Variants in ANO3 observed in about 807,000 individuals in gnomAD.
ANO3 encodes anoctamin-3.
A neutral mutation model predicts 144.8 loss-of-function variants in ANO3; 99 were observed. That is an observed-to-expected ratio of 0.68 (90% CI 0.58 to 0.81). ANO3 has a LOEUF of 0.81. Among genes scored for constraint, ANO3 ranks in the 30% least tolerant of loss-of-function variants. The pLI is 0.00. For synonymous variants in ANO3, 414 were observed against 392.6 expected (o/e 1.05, Z -0.64); for missense variants, 905 against 1,202.2 (o/e 0.75, Z 3.66).
chr11:26,643,054 A>C, intron 22 of ANO3, 128 bp from the exon 23 acceptor site: 1 of 790,870 alleles, frequency 1.3e-6, no homozygotes, highest in Non-Finnish European at 2.1e-6. Flanking sequence ...GGTTGTCCTA[A>C]CTGTAAAATG....
chr11:26,649,147 T>G (rs1281449064), intron 24 of ANO3, among the ~76,000 whole-genome samples: 1 of 152,104 alleles, frequency 6.6e-6, no homozygotes, highest in Non-Finnish European at 1.5e-5. Flanking sequence ...TACAGAAGAA[T>G]AAAAGGCCAT....
At chr11:26,289,797 T>C (rs1853913007) in intron 1 of ANO3, among the ~76,000 whole-genome samples, 1 of 148,848 alleles carries the variant, frequency 6.7e-6, no homozygotes, top group Admixed American at 6.7e-5. Flanking sequence ...AGTATATATA[T>C]ATGTGTGTGT....
chr11:26,474,422 G>A (rs1008668219), intron 4 of ANO3, among the ~76,000 whole-genome samples: 2 of 151,396 alleles, frequency 1.3e-5, no homozygotes, highest in African/African-American at 2.4e-5. Flanking sequence ...CTCTAAAATG[G>A]TTTTTTATTC....
chr11:26,426,111 G>C (rs775246373), intron 1 of ANO3, among the ~76,000 whole-genome samples: 24 of 152,066 alleles, frequency 1.6e-4, no homozygotes, highest in Non-Finnish European at 2.9e-4. Flanking sequence ...CTGTGTGTGT[G>C]TCTGTAAATG....
At chr11:26,659,170 T>C (rs545003747) in intron 26 of ANO3, among the ~76,000 whole-genome samples, 1 of 118,226 alleles carries the variant, frequency 8.5e-6, no homozygotes, top group East Asian at 2.5e-4. Flanking sequence ...TGTATGTGTA[T>C]ATATATTCAT....
chr11:26,254,951 C>A (rs1281924622), intron 1 of ANO3, among the ~76,000 whole-genome samples: 1 of 152,110 alleles, frequency 6.6e-6, no homozygotes, highest in African/African-American at 2.4e-5. Flanking sequence ...AAAACAACTT[C>A]TTCAAGATTA....
At chr11:26,445,697 G>C (rs1426074170) in intron 3 of ANO3, among the ~76,000 whole-genome samples, 2 of 152,086 alleles carry the variant, frequency 1.3e-5, no homozygotes, top group African/African-American at 4.8e-5. Context: ...TAATGAAGGT[G>C]AGGTACAGTC....
At chr11:26,412,826 G>GTGTGTGTGTGTGTGTGTA (rs1157559353) in intron 1 of ANO3, among the ~76,000 whole-genome samples, 120 of 151,326 alleles carry the variant, frequency 7.9e-4, no homozygotes, top group African/African-American at 2.8e-3. Context: ...GTGTGTGTGT[G>GTGTGTGTGTGTGTGTGTA]TGTATGTATG....
At chr11:26,419,544 T>C (rs1440892753) in intron 1 of ANO3, among the ~76,000 whole-genome samples, 1 of 152,070 alleles carries the variant, frequency 6.6e-6, no homozygotes, top group East Asian at 1.9e-4. Flanking sequence ...AATTTAGTAA[T>C]TATTCATTTG....
At chr11:26,490,498 T>A (rs1463847528) in intron 4 of ANO3, among the ~76,000 whole-genome samples, 1 of 152,234 alleles carries the variant, frequency 6.6e-6, no homozygotes, top group Admixed American at 6.5e-5. Flanking sequence ...AAACTGTGCT[T>A]TACTGTTCAA....
At chr11:26,464,109 C>G (rs937279531) in intron 4 of ANO3, among the ~76,000 whole-genome samples, 2 of 151,736 alleles carry the variant, frequency 1.3e-5, no homozygotes, top group African/African-American at 2.4e-5. Context: ...TAGTCACCCA[C>G]CAGTGTGTTA....
chr11:26,213,451 G>A (rs775975652), intron 1 of ANO3, among the ~76,000 whole-genome samples: 3 of 151,840 alleles, frequency 2.0e-5, no homozygotes, highest in South Asian at 2.1e-4. Context: ...AAAATCAATG[G>A]GCAAAAAGCA....
chr11:26,629,666 T>C (rs1415822490), intron 18 of ANO3, among the ~76,000 whole-genome samples: 1 of 152,112 alleles, frequency 6.6e-6, no homozygotes, highest in African/African-American at 2.4e-5. Context: ...AGTTTTGCTC[T>C]TGTTGCCCAG....
At chr11:26,318,016 C>T (rs1337057066) in intron 1 of ANO3, among the ~76,000 whole-genome samples, 5 of 151,962 alleles carry the variant, frequency 3.3e-5, no homozygotes, top group Non-Finnish European at 5.9e-5. Context: ...GAACAGAAAA[C>T]CAAACACCAC....
intron 5 of ANO3, among the ~76,000 whole-genome samples, chr11:26,515,920 A>G (rs1171512859): frequency 6.6e-6 from 1 of 151,964 alleles, no homozygotes; most frequent in African/African-American, 2.4e-5. Context: ...AACCTCAGAT[A>G]TTGTAGGAAC....
intron 12 of ANO3, among the ~76,000 whole-genome samples, chr11:26,551,273 G>T (rs540794353): frequency 2.6e-5 from 4 of 151,944 alleles, no homozygotes; most frequent in Non-Finnish European, 5.9e-5. Context: ...CACTTGATGT[G>T]TATATTTAGC....
At chr11:26,484,010 C>A (rs1335732906) in intron 4 of ANO3, among the ~76,000 whole-genome samples, 1 of 152,138 alleles carries the variant, frequency 6.6e-6, no homozygotes, top group Non-Finnish European at 1.5e-5. Flanking sequence ...TGTCCCTGCT[C>A]TAGAGATCTG....
chr11:26,486,553 G>A (rs189831768), intron 4 of ANO3, among the ~76,000 whole-genome samples: 1 of 152,198 alleles, frequency 6.6e-6, no homozygotes, highest in Admixed American at 6.5e-5. Flanking sequence ...GTTTGTAGGT[G>A]CAAGTTTTTG....
At chr11:26,189,682 A>G (rs1851438937) in intron 1 of ANO3, among the ~76,000 whole-genome samples, 1 of 152,216 alleles carries the variant, frequency 6.6e-6, no homozygotes, top group African/African-American at 2.4e-5. Context: ...TAAACTGCAA[A>G]GAAAACACTT....
Sources: gnomAD v4.1 joint callset for allele counts (sites outside exome capture counted in the v4.1 genomes callset) on GRCh38, gnomAD v4.1.1 for gene constraint, MANE v1.5 for transcripts, NCBI Gene and HGNC (gene_info 2026-07-23, HGNC 2026-07-21) for gene names.